The following FBXL20 variants were observed in gnomAD, a reference collection of about 807,000 sequenced individuals.
FBXL20 encodes F-box and leucine rich repeat protein 20, also known as F-box/LRR-repeat protein 20.
Under a neutral mutation model 64.0 loss-of-function variants are expected in FBXL20, and 11 were observed. That is an observed-to-expected ratio of 0.17 (90% CI 0.11 to 0.28). The LOEUF is 0.28. FBXL20 is among the 10% of genes least tolerant of loss of function. The pLI, the probability that FBXL20 is intolerant of heterozygous loss-of-function variation, is 1.00. For synonymous variants in FBXL20, 184 were observed against 189.0 expected (o/e 0.97, Z 0.22); for missense variants, 303 against 526.2 (o/e 0.58, Z 4.15).
At chr17:39,264,108 A>G (rs2046771371) in intron 14 of FBXL20, 67 bp downstream of exon 14, 1 of 1,514,508 alleles carries the variant, frequency 6.6e-7, no homozygotes. Context: ...ATTTGAAAAA[A>G]GGAAAAAAAA....
intron 2 of FBXL20, among the ~76,000 whole-genome samples, chr17:39,322,424 AATAC>A (rs1371835183): frequency 2.0e-5 from 3 of 152,202 alleles, no homozygotes; most frequent in Admixed American, 6.5e-5. Context: ...ATCTAAGGTG[AATAC>A]ATAAACTGAG....
At chr17:39,315,868 A>AGAGAGAGAGCGAGC (rs368094288) in intron 2 of FBXL20, among the ~76,000 whole-genome samples, 1 of 144,516 alleles carries the variant, frequency 6.9e-6, no homozygotes, top group Non-Finnish European at 1.5e-5. Flanking sequence ...AGAGAGAGAG[A>AGAGAGAGAGCGAGC]GAGCAACTGT....
At chr17:39,343,335 G>T in intron 1 of FBXL20, 94 bp from the exon 2 acceptor site, 2 of 862,970 alleles carry the variant, frequency 2.3e-6, no homozygotes, top group Non-Finnish European at 3.4e-6. Context: ...TCAGGAAAGA[G>T]GTAAAAAAAT....
intron 8 of FBXL20, among the ~76,000 whole-genome samples, chr17:39,282,191 GCTAA>G (rs910581637): frequency 4.6e-5 from 7 of 152,274 alleles, no homozygotes; most frequent in East Asian, 1.9e-4. Context: ...CTTTCCAGAG[GCTAA>G]CTAATCAATT....
At chr17:39,285,196 G>A (rs2046978586) in intron 7 of FBXL20, among the ~76,000 whole-genome samples, 1 of 152,098 alleles carries the variant, frequency 6.6e-6, no homozygotes, top group African/African-American at 2.4e-5. Flanking sequence ...GAGTCTTCAT[G>A]CCTGGCCTTA....
At chr17:39,320,008 A>T (rs1244430014) in intron 2 of FBXL20, among the ~76,000 whole-genome samples, 1 of 152,188 alleles carries the variant, frequency 6.6e-6, no homozygotes, top group Non-Finnish European at 1.5e-5. Context: ...TACTGTAAAA[A>T]GTCCCTTCTG....
chr17:39,283,442 CT>C (rs569942217), intron 7 of FBXL20, among the ~76,000 whole-genome samples: 105 of 146,432 alleles, frequency 7.2e-4, no homozygotes, highest in Admixed American at 1.0e-3. Flanking sequence ...TCTTTTCTTT[CT>C]TTTTTTTTTT....
rs1326897527 is a variant in FBXL20 at position 39,360,384 on chromosome 17, G to A, written c.43-17143C>T. ...TGTACACTTGAAATTGCTTTACGTG[G>A]TACATCTTATGCATATTTTATAATA... On this transcript the variant is annotated intron_variant, in intron 1 of 14. Coordinates refer to ENST00000264658, the MANE Select transcript of FBXL20 (RefSeq NM_032875.3). Among the ~76,000 whole-genome samples the A allele has an allele frequency of 3.2e-4, 48 of 152,222 alleles. No individual in the cohort carries two copies. The South Asian group carries it at 9.1e-3, about 29-fold the overall frequency.
chr17:39,283,403 A>C (rs530279288), intron 7 of FBXL20, among the ~76,000 whole-genome samples: 2 of 152,020 alleles, frequency 1.3e-5, no homozygotes, highest in East Asian at 3.9e-4. Flanking sequence ...ATACTCAAAA[A>C]GTTTGGGATT....
Position 39,260,201 on chromosome 17 carries a change from T to C in FBXL20, c.*1259A>G, listed in dbSNP as rs2046733021. ...TGGCTAGAATACACAGCTCCTCTAG[T>C]GGCATTCCTGTTAAAACAACCTCAT... On this transcript the variant is annotated 3_prime_UTR_variant, in exon 15 of 15. Coordinates refer to ENST00000264658, the MANE Select transcript of FBXL20 (RefSeq NM_032875.3). 6.6e-6 allele frequency: 1 copy of C among 152,114 alleles called. No homozygotes were observed. Among genetic ancestry groups the C allele is most frequent in the African/African-American group, 2.4e-5 (1 of 41,408 alleles). The allele number at this position is 152,114 out of a possible 1,614,324, so 9.4% of individuals were successfully genotyped here.
chr17:39,278,791 C>CT (rs1322511910), intron 9 of FBXL20, among the ~76,000 whole-genome samples: 53 of 149,430 alleles, frequency 3.5e-4, no homozygotes, highest in Admixed American at 9.4e-4. Flanking sequence ...AACGATCCAC[C>CT]GTCTCGGCCT....
intron 6 of FBXL20, among the ~76,000 whole-genome samples, chr17:39,292,618 A>G (rs2047049681): frequency 7.1e-6 from 1 of 141,376 alleles, no homozygotes; most frequent in Non-Finnish European, 1.5e-5. Flanking sequence ...TTCTGGGTCT[A>G]TTTCTTTTCT....
chr17:39,331,182 C>G (rs1054286419), intron 2 of FBXL20, among the ~76,000 whole-genome samples: 8 of 152,200 alleles, frequency 5.3e-5, no homozygotes, highest in African/African-American at 1.9e-4. Context: ...TTTTTTACAG[C>G]CTCCACCTCC....
Position 39,381,797 on chromosome 17 carries a change from G to GA in FBXL20, c.42+19563dup, listed in dbSNP as rs562910166. 5.0e-3 allele frequency among the ~76,000 whole-genome samples: 502 copies of GA among 101,160 alleles called. 1 individual carries two copies. The highest frequency in any genetic ancestry group is 0.035 in the Middle Eastern group (5 of 142). The allele number at this position is 101,160 out of a possible 152,430, so 66.4% of individuals were successfully genotyped here. A position where few individuals can be genotyped will look rare whatever the true frequency, so the allele number is the denominator to read the frequency against. ...GACAGAGCAAGACCCTCTCTGAAGG[G>GA]AAAAAAAAAAAAAAAAAGGCCGGGC... On this transcript the variant is annotated intron_variant, in intron 1 of 14. Transcript: ENST00000264658.
chr17:39,401,192 G>A (rs1409580795), intron 1 of FBXL20, among the ~76,000 whole-genome samples, 169 bp downstream of exon 1: 4 of 152,222 alleles, frequency 2.6e-5, no homozygotes, highest in Non-Finnish European at 5.9e-5. Context: ...GGGGGCACCG[G>A]GCTGCGCTGG....
intron 2 of FBXL20, among the ~76,000 whole-genome samples, chr17:39,321,974 T>C (rs2047360561): frequency 6.6e-6 from 1 of 151,818 alleles, no homozygotes; most frequent in African/African-American, 2.4e-5. Flanking sequence ...GAACCAGCAG[T>C]AGATATTTCA....
At position 39,256,803 on chromosome 17, in the gene FBXL20, C is replaced by G. The variant is rs1208527748; in HGVS notation, c.*4657G>C. 1.3e-5 allele frequency: 2 copies of G among 152,112 alleles called. No homozygotes were observed. Among genetic ancestry groups the G allele is most frequent in the Admixed American group, 6.6e-5 (1 of 15,260 alleles). 9.4% of individuals were successfully genotyped at this position (152,112 alleles called of 1,614,324 possible). A position where few individuals can be genotyped will look rare whatever the true frequency, so the allele number is the denominator to read the frequency against. The stretch of plus-strand genomic sequence containing the variant: ...CCATGACCCATGAGTGCTCTTCTCC[C>G]AACAACACAGTCACCTAAGGACATG... On this transcript the variant is annotated 3_prime_UTR_variant, in exon 15 of 15. Transcript: ENST00000264658.
chr17:39,346,097 G>T (rs2047630227), intron 1 of FBXL20, among the ~76,000 whole-genome samples: 1 of 152,122 alleles, frequency 6.6e-6, no homozygotes, highest in African/African-American at 2.4e-5. Context: ...CAAGGTGGGA[G>T]GATGGCTTGA....
chr17:39,386,204 G>C (rs1005434006), intron 1 of FBXL20, among the ~76,000 whole-genome samples: 5 of 151,846 alleles, frequency 3.3e-5, no homozygotes, highest in Admixed American at 6.6e-5. Context: ...CCACTCCAGA[G>C]GCTGAGGCAG....
Sources: gnomAD v4.1 joint callset for allele counts (sites outside exome capture counted in the v4.1 genomes callset) on GRCh38, gnomAD v4.1.1 for gene constraint, MANE v1.5 for transcripts, NCBI Gene and HGNC (gene_info 2026-07-23, HGNC 2026-07-21) for gene names.